SPON1: variants seen among roughly 807,000 people sequenced by gnomAD.
The protein encoded by SPON1 is spondin 1, also known as spondin-1.
Under a neutral mutation model 111.7 loss-of-function variants are expected in SPON1, and 52 were observed. The ratio of observed to expected loss-of-function variants is 0.47; its 90% CI spans 0.37 to 0.59. SPON1 has a LOEUF of 0.59. SPON1 is among the 20% of genes least tolerant of loss of function. The pLI, the probability that SPON1 is intolerant of heterozygous loss-of-function variation, is 0.00. For missense variants in SPON1, 957 were observed against 1,068.5 expected (o/e 0.90, Z 1.46); for synonymous variants, 410 against 395.8 (o/e 1.04, Z -0.43).
intron 3 of SPON1, among the ~76,000 whole-genome samples, chr11:14,047,953 G>T (rs1425940772): frequency 6.6e-6 from 1 of 152,182 alleles, no homozygotes; most frequent in Non-Finnish European, 1.5e-5. Flanking sequence ...AAGTTAATAA[G>T]GGTGGGCCAG....
chr11:14,220,239 G>T (rs1389237257), intron 6 of SPON1, among the ~76,000 whole-genome samples: 3 of 152,116 alleles, frequency 2.0e-5, no homozygotes, highest in African/African-American at 4.8e-5. Context: ...CAGTTCCTCT[G>T]GTTGAACCCT....
intron 2 of SPON1, among the ~76,000 whole-genome samples, chr11:14,026,169 C>T (rs949181012): frequency 9.9e-5 from 15 of 152,174 alleles, no homozygotes; most frequent in African/African-American, 2.7e-4. Flanking sequence ...TCAGTGTATT[C>T]CCCCCAACCC....
At chr11:14,069,110 C>T (rs1591366985) in intron 3 of SPON1, among the ~76,000 whole-genome samples, 1 of 151,964 alleles carries the variant, frequency 6.6e-6, no homozygotes, top group Non-Finnish European at 1.5e-5. Context: ...TTTCTAATCC[C>T]CCTGTCTTTT....
chr11:14,098,895 T>G (rs553536503), intron 5 of SPON1, among the ~76,000 whole-genome samples: 1 of 152,200 alleles, frequency 6.6e-6, no homozygotes, highest in Non-Finnish European at 1.5e-5. Flanking sequence ...ATTCTTCAGA[T>G]CTACATGCAA....
rs782191489 is a variant in SPON1 at position 13,963,140 on chromosome 11, G to A, written c.236G>A (p.Arg79His). The change falls in exon 1 of 16, where the codon CGC becomes CAC. Residue 79 changes from arginine to histidine, a missense_variant and splice_region_variant. Coordinates refer to ENST00000576479, the MANE Select transcript of SPON1 (RefSeq NM_006108.4). ...TTCTACAAGCCGGGAACCAGCTACC[G>A]CGGTAAGTGGCCGCCCGGCGTGGCA... ...PDFYKPGTSY[R>H]VTLSAAPPSY... 9.3e-6 allele frequency: 14 copies of A among 1,498,310 alleles called. No individual in the cohort carries two copies. In the South Asian group the frequency reaches 1.2e-4, roughly 12 times the overall value. The allele number at this position is 1,498,310 out of a possible 1,614,324, so 92.8% of individuals were successfully genotyped here.
chr11:14,004,556 G>T (rs975557662), intron 2 of SPON1, among the ~76,000 whole-genome samples: 3 of 152,060 alleles, frequency 2.0e-5, no homozygotes, highest in African/African-American at 7.2e-5. Flanking sequence ...TCTTATAGTG[G>T]TTTTAATTTG....
chr11:14,135,508 C>A lies in SPON1; in HGVS notation c.765C>A (p.Gly255=). The A allele has an allele frequency of 1.9e-6, 3 of 1,613,798 alleles. No homozygotes were observed. The highest frequency in any genetic ancestry group is 1.7e-6 in the Non-Finnish European group (2 of 1,179,790). Residue 255 remains glycine (G), a synonymous_variant, in exon 6 of 16, where the codon GGC becomes GGA. Coordinates refer to ENST00000576479, the MANE Select transcript of SPON1 (RefSeq NM_006108.4). The surrounding 1 kb of genome is among the most constrained non-coding windows in gnomAD (Gnocchi z 4.4). ...AATATGGAGGATATGCCAGCGAAGGCGTCAAACAAGTTGCAGAATTGGGCT... is the reference window on the plus strand; with the variant it reads ...AATATGGAGGATATGCCAGCGAAGGAGTCAAACAAGTTGCAGAATTGGGCT... The part of the protein sequence containing the change: ...LWEYGGYASE[G]VKQVAELGSP...
chr11:13,980,585 CACAACGTGCAGGTTTGTTACATGTGT>C (rs367721019), intron 1 of SPON1, among the ~76,000 whole-genome samples: 179 of 152,208 alleles, frequency 1.2e-3, no homozygotes, highest in African/African-American at 4.2e-3. Flanking sequence ...GGTACATGTG[CACAACGTGCAGGTTTGTTACATGTGT>C]ATACATTAGG....
chr11:14,154,480 G>A (rs918551763), intron 6 of SPON1, among the ~76,000 whole-genome samples: 3 of 152,212 alleles, frequency 2.0e-5, no homozygotes, highest in East Asian at 1.9e-4. Flanking sequence ...AGCTAGAGAG[G>A]CTAGGATGCA....
chr11:14,238,687 C>T (rs2133916232), intron 6 of SPON1, among the ~76,000 whole-genome samples: 1 of 152,280 alleles, frequency 6.6e-6, no homozygotes, highest in East Asian at 1.9e-4. Flanking sequence ...GACCTCAGCC[C>T]ATGGCCTGTT....
intron 1 of SPON1, among the ~76,000 whole-genome samples, chr11:13,971,420 CT>C (rs1848062232): frequency 6.6e-6 from 1 of 152,128 alleles, no homozygotes; most frequent in Admixed American, 6.5e-5. Flanking sequence ...GCCATCAAAC[CT>C]AGACATCAAT....
intron 6 of SPON1, among the ~76,000 whole-genome samples, chr11:14,240,207 C>T (rs1191589093): frequency 1.3e-5 from 2 of 152,202 alleles, no homozygotes; most frequent in Non-Finnish European, 2.9e-5. Flanking sequence ...CGGCCGTAGG[C>T]ATGGTGATAT....
intron 3 of SPON1, among the ~76,000 whole-genome samples, chr11:14,071,500 C>A (rs782358502): frequency 2.0e-5 from 3 of 152,140 alleles, no homozygotes; most frequent in Non-Finnish European, 4.4e-5. Flanking sequence ...CTATGTCTAA[C>A]GACCCACTAG....
chr11:14,195,695 A>G (rs915759242), intron 6 of SPON1, among the ~76,000 whole-genome samples: 11 of 152,180 alleles, frequency 7.2e-5, no homozygotes, highest in African/African-American at 2.7e-4. Context: ...CAGAAAGGCC[A>G]ATTTGAGGAT....
At chr11:14,130,654 A>G (rs1847518239) in intron 5 of SPON1, among the ~76,000 whole-genome samples, 2 of 152,164 alleles carry the variant, frequency 1.3e-5, no homozygotes, top group South Asian at 4.2e-4. Flanking sequence ...TGTACCTTCA[A>G]TCAGAAATAT....
At chr11:14,262,233 G>A (rs1849193254) in intron 14 of SPON1, among the ~76,000 whole-genome samples, 1 of 152,176 alleles carries the variant, frequency 6.6e-6, no homozygotes, top group Admixed American at 6.5e-5. Context: ...CTGCCAGGGT[G>A]TGTTAGAACC....
At chr11:14,240,589 T>TGTGTG (rs1848914365) in intron 6 of SPON1, among the ~76,000 whole-genome samples, 3 of 140,252 alleles carry the variant, frequency 2.1e-5, no homozygotes, top group African/African-American at 2.7e-5. Context: ...AGAAGCAATA[T>TGTGTG]TGTGTGTGTG....
intron 6 of SPON1, among the ~76,000 whole-genome samples, chr11:14,166,189 T>C (rs1364317792): frequency 6.6e-6 from 1 of 152,190 alleles, no homozygotes; most frequent in Non-Finnish European, 1.5e-5. Context: ...AAAGCCTTGG[T>C]AAAATAACCA....
chr11:14,227,333 C>G lies in SPON1; in HGVS notation c.826-15999C>G, dbSNP rs117459287. ...GCTTTATTTCATTTATTAAGTGGTC[C>G]CTAAATGTAAGATTCCCTGAATTTA... is the stretch of plus-strand genomic sequence containing the variant. On this transcript the variant is annotated intron_variant, in intron 6 of 15. Transcript: ENST00000576479. Among the ~76,000 whole-genome samples, 45 of 152,272 alleles carry G rather than the reference C, an allele frequency of 3.0e-4. No homozygotes were observed. In the South Asian group the frequency reaches 8.7e-3, roughly 29 times the overall value.
Sources: gnomAD v4.1 joint callset for allele counts (sites outside exome capture counted in the v4.1 genomes callset) on GRCh38, gnomAD v4.1.1 for gene constraint, Gnocchi (gnomAD v3.1) non-coding constraint, MANE v1.5 for transcripts, NCBI Gene and HGNC (gene_info 2026-07-23, HGNC 2026-07-21) for gene names.